The following P2RY14 variants were observed in gnomAD, a reference collection of about 807,000 sequenced individuals.
P2RY14 encodes the protein P2Y purinoceptor 14.
In P2RY14, 2 loss-of-function variants were observed where a neutral mutation model predicts 0.9. The observed-to-expected ratio is 2.16, with a 90% CI of 0.88 to 6.79. The LOEUF is 6.79. Ranked by LOEUF, P2RY14 falls within the 30% of genes most tolerant of loss-of-function variation. The probability of loss-of-function intolerance (pLI) is 0.05; values close to 1 mark genes in which losing one functional copy is unlikely to be tolerated. For missense variants in P2RY14, 378 were observed against 400.1 expected, an observed-to-expected ratio of 0.94 and a Z score of 0.47; for synonymous variants, 158 against 147.2, an observed-to-expected ratio of 1.07 and a Z score of -0.53.
In P2RY14 at chr3:151,218,916, A is replaced by G. The variant is rs1205767852; in HGVS notation, c.-25+619T>C. On this transcript the variant is annotated intron_variant, in intron 2 of 2. Coordinates refer to ENST00000309170, the MANE Select transcript of P2RY14 (RefSeq NM_014879.4). ...AAAAAAAGAGGGGGGGTATACTGTA[A>G]TAGTGTAAGTCTTGAAATTTTCTTC... Among the ~76,000 whole-genome samples the G allele has an allele frequency of 2.7e-5, 4 of 150,232 alleles. No individual in the cohort carries two copies. The East Asian group carries it at 5.9e-4, about 22-fold the overall frequency.
intron 1 of P2RY14, among the ~76,000 whole-genome samples, chr3:151,239,313 T>C (rs1450304211): frequency 6.6e-6 from 1 of 152,232 alleles, no homozygotes; most frequent in East Asian, 1.9e-4. Context: ...AATATTGCAA[T>C]CATGCTTTAA....
chr3:151,272,220 A>G (rs1211860292), intron 1 of P2RY14, among the ~76,000 whole-genome samples: 1 of 152,244 alleles, frequency 6.6e-6, no homozygotes, highest in African/African-American at 2.4e-5. Flanking sequence ...TGTTTTGAAG[A>G]TGCAAAGAGG....
At chr3:151,249,050 A>G (rs1736334076) in intron 1 of P2RY14, 1 of 152,202 alleles carries the variant, frequency 6.6e-6, no homozygotes, top group African/African-American at 2.4e-5. Flanking sequence ...CATCTCGCCA[A>G]ATGCTTGAAT....
chr3:151,237,571 G>T (rs911578966), intron 1 of P2RY14, among the ~76,000 whole-genome samples: 1 of 150,406 alleles, frequency 6.6e-6, no homozygotes, highest in African/African-American at 2.4e-5. Flanking sequence ...GGCTGGTCTC[G>T]AACTCCTGAC....
intron 1 of P2RY14, among the ~76,000 whole-genome samples, chr3:151,224,035 A>G (rs533538391): frequency 1.9e-4 from 29 of 152,352 alleles, no homozygotes; most frequent in East Asian, 1.5e-3. Context: ...ATTACTGCCT[A>G]TTAACACTGG....
chr3:151,277,225 G>A (rs200302351), intron 1 of P2RY14, among the ~76,000 whole-genome samples: 1 of 150,960 alleles, frequency 6.6e-6, no homozygotes, highest in East Asian at 1.9e-4. Context: ...TTTTTTTCCA[G>A]ACATGACAAT....
intron 1 of P2RY14, among the ~76,000 whole-genome samples, chr3:151,237,336 CTTTTTTTTTTTTTCTT>C (rs1435968104): frequency 5.2e-5 from 5 of 96,496 alleles, no homozygotes; most frequent in African/African-American, 1.9e-4. Context: ...CCACGCCTGG[CTTTTTTTTTTTTTCTT>C]TTTTTTTTTT....
intron 1 of P2RY14, among the ~76,000 whole-genome samples, chr3:151,267,447 A>G (rs548118317): frequency 5.3e-5 from 8 of 152,288 alleles, no homozygotes; most frequent in African/African-American, 1.4e-4. Flanking sequence ...TTTTCACCCT[A>G]AATTCTAAGC....
At chr3:151,275,996 TC>T (rs978036201) in intron 1 of P2RY14, among the ~76,000 whole-genome samples, 3 of 152,140 alleles carry the variant, frequency 2.0e-5, no homozygotes, top group African/African-American at 7.2e-5. Flanking sequence ...TGAAATGCCT[TC>T]TTAGCATCCA....
intron 1 of P2RY14, among the ~76,000 whole-genome samples, chr3:151,251,706 C>G (rs1042566761): frequency 6.6e-6 from 1 of 152,140 alleles, no homozygotes; most frequent in Non-Finnish European, 1.5e-5. Flanking sequence ...TGGTTCTTGC[C>G]CCATTGCTTG....
At chr3:151,230,121 C>T (rs564824840) in intron 1 of P2RY14, among the ~76,000 whole-genome samples, 1 of 152,296 alleles carries the variant, frequency 6.6e-6, no homozygotes, top group South Asian at 2.1e-4. Context: ...AGGTGCCCGC[C>T]ACCACGCCTG....
chr3:151,230,835 T>A (rs1193507411), intron 1 of P2RY14, among the ~76,000 whole-genome samples: 1 of 152,180 alleles, frequency 6.6e-6, no homozygotes, highest in African/African-American at 2.4e-5. Context: ...AAGTAGTGAC[T>A]TCCCACTGTC....
chr3:151,259,119 C>T (rs575462959), intron 1 of P2RY14, among the ~76,000 whole-genome samples: 10 of 152,158 alleles, frequency 6.6e-5, no homozygotes, highest in Non-Finnish European at 1.3e-4. Flanking sequence ...TTTTTTAACA[C>T]ATGGACTGAA....
chr3:151,259,567 A>C (rs1738478317), intron 1 of P2RY14, among the ~76,000 whole-genome samples: 1 of 152,234 alleles, frequency 6.6e-6, no homozygotes, highest in Admixed American at 6.5e-5. Context: ...GGATAATCAG[A>C]ATAAACTTTT....
rs113061339 is a variant in P2RY14 at position 151,238,137 on chromosome 3, T to TTTTTTCTTTTTC, written c.-132-18507_-132-18496dup. Among the ~76,000 whole-genome samples, 1,176 of 149,600 alleles carry TTTTTTCTTTTTC rather than the reference T, an allele frequency of 7.9e-3. 27 individuals are homozygous for TTTTTTCTTTTTC. Among genetic ancestry groups the TTTTTTCTTTTTC allele is most frequent in the African/African-American group, 0.028 (1,123 of 40,570 alleles). ...AGTTTAGAACAGTGCACATTTTTTC[T>TTTTTTCTTTTTC]TTTTTCTTTTTCTTTTTCTTTTTTC... On this transcript the variant is annotated intron_variant, in intron 1 of 2. Transcript: ENST00000309170.
chr3:151,222,579 T>TC (rs1729584098), intron 1 of P2RY14, among the ~76,000 whole-genome samples: 1 of 152,222 alleles, frequency 6.6e-6, no homozygotes, highest in Non-Finnish European at 1.5e-5. Context: ...TCTTCTCTTG[T>TC]CTGCCACCAT....
chr3:151,237,373 G>C (rs1312696484), intron 1 of P2RY14, among the ~76,000 whole-genome samples: 1 of 87,076 alleles, frequency 1.1e-5, no homozygotes, highest in African/African-American at 4.3e-5. Flanking sequence ...TTTTGAGACA[G>C]AGTCTTACTC....
At chr3:151,278,088 G>A (rs751341243) in intron 1 of P2RY14, among the ~76,000 whole-genome samples, 199 bp downstream of exon 1, 1 of 152,070 alleles carries the variant, frequency 6.6e-6, no homozygotes, top group African/African-American at 2.4e-5. Flanking sequence ...TTTCAGTATT[G>A]GATCCCCATA....
intron 1 of P2RY14, among the ~76,000 whole-genome samples, chr3:151,231,850 G>A (rs1731736795): frequency 6.6e-6 from 1 of 152,194 alleles, no homozygotes; most frequent in African/African-American, 2.4e-5. Context: ...GAAGTATTTA[G>A]AAGGGAAGGG....
Sources: allele counts gnomAD v4.1 joint callset (sites outside exome capture counted in the v4.1 genomes callset), GRCh38; gene constraint gnomAD v4.1.1; transcripts MANE v1.5; gene names NCBI Gene and HGNC (gene_info 2026-07-23, HGNC 2026-07-21).